The following ZBTB20 variants were observed in gnomAD, a reference collection of about 807,000 sequenced individuals.
ZBTB20 encodes the protein zinc finger and BTB domain-containing protein 20.
Under a neutral mutation model 56.9 loss-of-function variants are expected in ZBTB20, and 9 were observed. The observed-to-expected ratio is 0.16, with a 90% confidence interval of 0.10 to 0.28. The LOEUF (loss-of-function observed/expected upper bound fraction) is 0.28. Ranked by LOEUF, ZBTB20 falls within the 10% of genes least tolerant of loss-of-function variation. The probability of loss-of-function intolerance (pLI) is 1.00; values close to 1 mark genes in which losing one functional copy is unlikely to be tolerated. For missense variants in ZBTB20, 655 were observed against 1,003.0 expected, an observed-to-expected ratio of 0.65 and a Z score of 4.69; for synonymous variants, 417 against 420.7, an observed-to-expected ratio of 0.99 and a Z score of 0.11.
Position 114,317,383 on chromosome 3 carries a change from C to G in ZBTB20, c.*21622G>C, listed in dbSNP as rs1435423279. 6.6e-6 allele frequency: 1 copy of G among 152,062 alleles called. No individual in the cohort carries two copies. Among genetic ancestry groups the G allele is most frequent in the East Asian group, 1.9e-4 (1 of 5,188 alleles). The allele number at this position is 152,062 out of a possible 1,614,324, so 9.4% of individuals were successfully genotyped here. On this transcript the variant is annotated 3_prime_UTR_variant, in exon 12 of 12. Coordinates refer to ENST00000675478, the MANE Select transcript of ZBTB20 (RefSeq NM_001348800.3). ...AAACACACCCACACCACCCCCAACCCCCCATGCCCACCCCACACCAAAAGC... is the reference window on the plus strand; with the variant it reads ...AAACACACCCACACCACCCCCAACCGCCCATGCCCACCCCACACCAAAAGC...
At chr3:114,985,323 T>C (rs528493299) in intron 2 of ZBTB20, among the ~76,000 whole-genome samples, 2 of 152,200 alleles carry the variant, frequency 1.3e-5, no homozygotes, top group South Asian at 2.1e-4. Context: ...GTAGTTCTTT[T>C]TTCAGTTGAA....
chr3:114,653,962 ATC>A (rs2060263792), intron 6 of ZBTB20, among the ~76,000 whole-genome samples: 1 of 151,878 alleles, frequency 6.6e-6, no homozygotes, highest in African/African-American at 2.4e-5. Flanking sequence ...TGTAATGATA[ATC>A]TCTCATTACT....
At chr3:115,114,571 G>T (rs560238741) in intron 1 of ZBTB20, among the ~76,000 whole-genome samples, 1 of 152,054 alleles carries the variant, frequency 6.6e-6, no homozygotes. Context: ...ACATTTGAAA[G>T]ATCTTAAAGT....
chr3:114,524,862 G>A lies in ZBTB20; in HGVS notation c.-294-24471C>T, dbSNP rs555545772. Reference sequence around the variant, plus strand: ...CTTGAGTAGCTGAGATTACAGGCACGCACCACCACACCCGGCTAATTTTTG... The same window carrying A: ...CTTGAGTAGCTGAGATTACAGGCACACACCACCACACCCGGCTAATTTTTG... On this transcript the variant is annotated intron_variant, in intron 6 of 11. Coordinates refer to ENST00000675478, the MANE Select transcript of ZBTB20 (RefSeq NM_001348800.3). 8.3e-4 allele frequency among the ~76,000 whole-genome samples: 126 copies of A among 152,122 alleles called. 1 individual carries two copies. Among genetic ancestry groups the A allele is most frequent in the African/African-American group, 2.6e-3 (110 of 41,522 alleles).
At position 114,802,936 on chromosome 3, in the gene ZBTB20, C is replaced by T. The variant is rs531202911; in HGVS notation, c.-416-1762G>A. 2.6e-5 allele frequency among the ~76,000 whole-genome samples: 4 copies of T among 151,850 alleles called. No individual in the cohort carries two copies. In the East Asian group the frequency reaches 5.8e-4, roughly 22 times the overall value. On this transcript the variant is annotated intron_variant, in intron 4 of 11. Transcript: ENST00000675478. ...TAATTCAATTCATTCAGTCAGGTTTCCTTCTCCTCAATTTGCCAGATGTTG... is the reference window on the plus strand; with the variant it reads ...TAATTCAATTCATTCAGTCAGGTTTTCTTCTCCTCAATTTGCCAGATGTTG...
intron 7 of ZBTB20, among the ~76,000 whole-genome samples, chr3:114,480,240 T>C (rs1181965303): frequency 6.6e-6 from 1 of 152,160 alleles, no homozygotes. Context: ...GCATAAAGCC[T>C]AGCAAGGTTT....
chr3:114,551,593 T>C (rs188320115), intron 6 of ZBTB20, among the ~76,000 whole-genome samples: 1 of 152,180 alleles, frequency 6.6e-6, no homozygotes, highest in African/African-American at 2.4e-5. Flanking sequence ...GAGATATACA[T>C]AAGCAACAAA....
At chr3:114,460,581 G>A (rs1233265063) in intron 7 of ZBTB20, among the ~76,000 whole-genome samples, 1 of 152,090 alleles carries the variant, frequency 6.6e-6, no homozygotes, top group Non-Finnish European at 1.5e-5. Flanking sequence ...GCAAATAAAT[G>A]GATCCTCCTT....
At chr3:114,902,813 A>G (rs1031964749) in intron 3 of ZBTB20, among the ~76,000 whole-genome samples, 3 of 152,198 alleles carry the variant, frequency 2.0e-5, no homozygotes, top group Non-Finnish European at 4.4e-5. Flanking sequence ...TAAGTTAGTT[A>G]CTGGTTAATC....
At chr3:114,363,451 G>T (rs545645762) in intron 10 of ZBTB20, among the ~76,000 whole-genome samples, 52 of 152,220 alleles carry the variant, frequency 3.4e-4, no homozygotes, top group Admixed American at 9.2e-4. Flanking sequence ...GATAAAATAT[G>T]TCCTTTGCCT....
At chr3:114,969,909 T>C (rs370256119) in intron 3 of ZBTB20, among the ~76,000 whole-genome samples, 7 of 152,230 alleles carry the variant, frequency 4.6e-5, no homozygotes, top group African/African-American at 1.4e-4. Context: ...CAGGGAAATA[T>C]GTGGTCTCAA....
intron 4 of ZBTB20, among the ~76,000 whole-genome samples, chr3:114,861,028 ACTT>A (rs1281157931): frequency 6.6e-6 from 1 of 152,152 alleles, no homozygotes; most frequent in Non-Finnish European, 1.5e-5. Context: ...CTCATTAAGT[ACTT>A]CTTTGCTGAT....
At chr3:114,674,430 A>G (rs2061520095) in intron 6 of ZBTB20, among the ~76,000 whole-genome samples, 1 of 152,210 alleles carries the variant, frequency 6.6e-6, no homozygotes, top group African/African-American at 2.4e-5. Context: ...CTGTACTTAC[A>G]TGCAATAAAG....
At chr3:114,753,442 C>CT (rs1390088058) in intron 5 of ZBTB20, among the ~76,000 whole-genome samples, 2 of 9,382 alleles carry the variant, frequency 2.1e-4, no homozygotes, top group Non-Finnish European at 1.0e-3. Flanking sequence ...TACACACACA[C>CT]TTTTTTTTTT....
At chr3:114,903,090 C>T (rs1232378300) in intron 3 of ZBTB20, among the ~76,000 whole-genome samples, 6 of 152,064 alleles carry the variant, frequency 3.9e-5, no homozygotes, top group African/African-American at 1.4e-4. Flanking sequence ...ATCAGTGATC[C>T]ATAGACTGGG....
At chr3:114,828,491 TTTG>T (rs1481708774) in intron 4 of ZBTB20, among the ~76,000 whole-genome samples, 18 of 151,898 alleles carry the variant, frequency 1.2e-4, no homozygotes, top group Admixed American at 7.2e-4. Context: ...TGGAAATTGT[TTTG>T]TTATGTGATT....
chr3:114,968,276 T>C (rs1304145552), intron 3 of ZBTB20, among the ~76,000 whole-genome samples: 3 of 152,214 alleles, frequency 2.0e-5, no homozygotes, highest in African/African-American at 7.2e-5. Flanking sequence ...TAATGGCTGT[T>C]ATGTCAAACT....
Position 114,532,924 on chromosome 3 carries a change from A to C in ZBTB20, c.-294-32533T>G, listed in dbSNP as rs59705670. On this transcript the variant is annotated intron_variant, in intron 6 of 11. Transcript: ENST00000675478. ...CAGACTGTTAGAAGGAAAACTAACA[A>C]ACAGAAAGGAATAGCATCAACATTA... Among the ~76,000 whole-genome samples, 797 of 152,358 alleles carry C rather than the reference A, an allele frequency of 5.2e-3. 5 individuals carry two copies. The highest frequency in any genetic ancestry group is 0.018 in the African/African-American group (759 of 41,584).
Position 114,627,344 on chromosome 3 carries a change from T to G in ZBTB20, c.-295+66184A>C, listed in dbSNP as rs1223928897. ...TGGTTTACTTCAAATTACTCTGCGCTTCCAAATAAAGAAAATTATTTTACC... is the reference window on the plus strand; with the variant it reads ...TGGTTTACTTCAAATTACTCTGCGCGTCCAAATAAAGAAAATTATTTTACC... On this transcript the variant is annotated intron_variant, in intron 6 of 11. Coordinates refer to ENST00000675478, the MANE Select transcript of ZBTB20 (RefSeq NM_001348800.3). Among the ~76,000 whole-genome samples the G allele has an allele frequency of 2.0e-5, 3 of 152,182 alleles. No individual in the cohort carries two copies. The East Asian group carries it at 5.8e-4, about 29-fold the overall frequency.
Sources: gnomAD v4.1 joint callset for allele counts (sites outside exome capture counted in the v4.1 genomes callset) on GRCh38, gnomAD v4.1.1 for gene constraint, MANE v1.5 for transcripts, NCBI Gene and HGNC (gene_info 2026-07-23, HGNC 2026-07-21) for gene names.